Variants in NPDC1 observed in about 807,000 individuals in gnomAD.
The protein encoded by NPDC1 is neural proliferation differentiation and control protein 1.
In NPDC1, 18 loss-of-function variants were observed where a neutral mutation model predicts 32.5. That is an observed-to-expected ratio of 0.55 (90% confidence interval 0.38 to 0.82). The LOEUF (loss-of-function observed/expected upper bound fraction) is 0.82, where lower values mean the gene tolerates loss of function less well. Among genes scored for constraint, NPDC1 ranks in the 40% least tolerant of loss-of-function variants. The probability of loss-of-function intolerance (pLI) is 0.00; values close to 1 mark genes in which losing one functional copy is unlikely to be tolerated. For synonymous variants in NPDC1, 210 were observed against 184.7 expected (o/e 1.14, Z -1.11); for missense variants, 468 against 406.6 (o/e 1.15, Z -1.30).
At position 137,040,072 on chromosome 9, in the gene NPDC1, G is replaced by GT; in HGVS notation, c.789-6dup. On this transcript the variant is annotated splice_polypyrimidine_tract_variant and splice_region_variant and intron_variant, in intron 7 of 8. Coordinates refer to ENST00000371601, the MANE Select transcript of NPDC1 (RefSeq NM_015392.4). ...TCCTTGGGTGGCTCTTTATGCCTGGGTGGGGGGGGATCGCTGGGTCCTCCC... is the reference window on the plus strand; with the variant it reads ...TCCTTGGGTGGCTCTTTATGCCTGGGTTGGGGGGGGATCGCTGGGTCCTCCC... The GT allele has an allele frequency of 5.1e-6, 4 of 777,060 alleles. 1 individual carries two copies. In the South Asian group the frequency reaches 5.4e-5, roughly 10 times the overall value. 48.1% of individuals were successfully genotyped at this position (777,060 alleles called of 1,614,324 possible). A position where few individuals can be genotyped will look rare whatever the true frequency, so the allele number is the denominator to read the frequency against.
chr9:137,045,466 G>A (rs2131504595), intron 1 of NPDC1, among the ~76,000 whole-genome samples: 1 of 152,316 alleles, frequency 6.6e-6, no homozygotes, highest in Non-Finnish European at 1.5e-5. Context: ...CACCGGCAGC[G>A]AAGCCGGCGG....
Position 137,039,621 on chromosome 9 carries a change from T to A in NPDC1, c.*151A>T. 1 of 587,674 alleles carries A rather than the reference T, an allele frequency of 1.7e-6. No homozygotes were observed. The highest frequency in any genetic ancestry group is 3.0e-6 in the Non-Finnish European group (1 of 330,426). The allele number at this position is 587,674 out of a possible 1,614,324, so 36.4% of individuals were successfully genotyped here. ...GTGTCCTGGCACAAAGGTTCGGGGG[T>A]CTCCCTGGCAAGGGGTCCCAGGGCC... is the stretch of plus-strand genomic sequence containing the variant. On this transcript the variant is annotated 3_prime_UTR_variant, in exon 9 of 9. Coordinates refer to ENST00000371601, the MANE Select transcript of NPDC1 (RefSeq NM_015392.4).
rs200425348 is a variant in NPDC1, at chr9:137,040,558, C to T, written c.664G>A (p.Ala222Thr). ...GGTGAGCCAGGGGCCTTCGCAGTGG[C>T]GTAGTCGGCCTTCTGAGTCAGGCGG... ...EIRLTQKADYATAKAPGSPAA... is the reference protein window; with the variant it reads ...EIRLTQKADYTTAKAPGSPAA... The change falls in exon 6 of 9, where the codon GCC (alanine) becomes ACC (threonine). Residue 222 changes from alanine to threonine, a missense_variant. Ala to Thr is a moderately conservative substitution (Grantham distance 58). Coordinates refer to ENST00000371601, the MANE Select transcript of NPDC1 (RefSeq NM_015392.4). The T allele has an allele frequency of 9.8e-5, 155 of 1,584,794 alleles. No individual in the cohort carries two copies. The highest frequency in any genetic ancestry group is 7.1e-4 in the East Asian group (31 of 43,650).
intron 1 of NPDC1, among the ~76,000 whole-genome samples, chr9:137,045,550 G>A (rs1318298182): frequency 1.3e-5 from 2 of 152,222 alleles, no homozygotes; most frequent in African/African-American, 4.8e-5. Flanking sequence ...GCAGACTCCC[G>A]GCGGGCCCGC....
intron 1 of NPDC1, chr9:137,043,491 G>A (rs1299730381): frequency 9.8e-6 from 6 of 612,692 alleles, no homozygotes; most frequent in Non-Finnish European, 1.8e-5. Flanking sequence ...TGTCTCTGGG[G>A]AGCAGCAAAC....
intron 8 of NPDC1, 38 bp from the exon 9 acceptor site, chr9:137,039,902 T>C (rs756399331): frequency 1.3e-6 from 1 of 778,718 alleles, no homozygotes; most frequent in Non-Finnish European, 2.4e-6. Context: ...GTGGGTGGGC[T>C]GGGGGGATAC....
In NPDC1 at chr9:137,039,612, G is replaced by T; in HGVS notation, c.*160C>A. 5 of 591,506 alleles carry T rather than the reference G, an allele frequency of 8.5e-6. No homozygotes were observed. In the Admixed American group the frequency reaches 9.3e-5, roughly 11 times the overall value. 36.6% of individuals were successfully genotyped at this position (591,506 alleles called of 1,614,324 possible). ...GACCAGGAGGTGTCCTGGCACAAAGGTTCGGGGGTCTCCCTGGCAAGGGGT... is the reference window on the plus strand; with the variant it reads ...GACCAGGAGGTGTCCTGGCACAAAGTTTCGGGGGTCTCCCTGGCAAGGGGT... On this transcript the variant is annotated 3_prime_UTR_variant, in exon 9 of 9. Transcript: ENST00000371601.
rs1290757566 is a variant in NPDC1 at position 137,040,609 on chromosome 9, T to C, written c.624-11A>G. 6.4e-7 allele frequency: 1 copy of C among 1,565,638 alleles called. No homozygotes were observed. Among genetic ancestry groups the C allele is most frequent in the East Asian group, 2.3e-5 (1 of 42,708 alleles). On this transcript the variant is annotated splice_polypyrimidine_tract_variant and intron_variant, in intron 5 of 8. Transcript: ENST00000371601. ...ATCTCACGCTGCAGCCTGTGGGGAG[T>C]GGGGCCTGAGACCTCTGAGCGTGTG...
In NPDC1 at chr9:137,039,991, C is replaced by T. The variant is rs1206191755; in HGVS notation, c.865G>A (p.Glu289Lys). 6.4e-6 allele frequency: 5 copies of T among 778,956 alleles called. No homozygotes were observed. Among genetic ancestry groups the T allele is most frequent in the African/African-American group, 1.7e-5 (1 of 59,030 alleles). The allele number at this position is 778,956 out of a possible 1,614,324, so 48.3% of individuals were successfully genotyped here. Residue 289 changes from glutamate (E) to lysine (K), a missense_variant, in exon 8 of 9, where the codon GAG becomes AAG. Glu to Lys is a moderately conservative substitution (Grantham distance 56). Transcript: ENST00000371601. ...CTCACCGGGGCCAGGCCCGGGCACT[C>T]GTACACCGTGAAGTCTCCGTCCTCA... Reference protein sequence around the residue: ...ENEDGDFTVYECPGLAPTGEM... With the variant: ...ENEDGDFTVYKCPGLAPTGEM...
chr9:137,039,577 A>G lies in NPDC1; in HGVS notation c.*195T>C. The G allele has an allele frequency of 1.8e-6, 1 of 566,130 alleles. No individual in the cohort carries two copies. Among genetic ancestry groups the G allele is most frequent in the Admixed American group, 3.4e-5 (1 of 29,474 alleles). 35.1% of individuals were successfully genotyped at this position (566,130 alleles called of 1,614,324 possible). A position where few individuals can be genotyped will look rare whatever the true frequency, so the allele number is the denominator to read the frequency against. On this transcript the variant is annotated 3_prime_UTR_variant, in exon 9 of 9. Coordinates refer to ENST00000371601, the MANE Select transcript of NPDC1 (RefSeq NM_015392.4). The stretch of plus-strand genomic sequence containing the variant: ...TTTGGGGGTCTAAACCGAACAGGAG[A>G]GGTGCAGGGGACCAGGAGGTGTCCT...
At chr9:137,040,788 C>T (rs1832036254) in intron 4 of NPDC1, 26 bp downstream of exon 4, 2 of 1,585,070 alleles carry the variant, frequency 1.3e-6, no homozygotes, top group Non-Finnish European at 8.5e-7. Flanking sequence ...CCCTGCTGCC[C>T]CTGCCCACCC....
intron 2 of NPDC1, among the ~76,000 whole-genome samples, chr9:137,041,870 G>A (rs1000379835): frequency 3.9e-5 from 6 of 152,234 alleles, no homozygotes; most frequent in Non-Finnish European, 5.9e-5. Flanking sequence ...TCAGGCTGGC[G>A]AGCGGGGCAT....
intron 1 of NPDC1, among the ~76,000 whole-genome samples, chr9:137,045,545 C>T (rs1832117799): frequency 6.6e-6 from 1 of 152,216 alleles, no homozygotes; most frequent in Non-Finnish European, 1.5e-5. Flanking sequence ...CACAGGCAGA[C>T]TCCCGGCGGG....
chr9:137,041,584 G>A (rs968932078), intron 2 of NPDC1, among the ~76,000 whole-genome samples: 2 of 152,172 alleles, frequency 1.3e-5, no homozygotes, highest in African/African-American at 2.4e-5. Context: ...CCAAGCACCC[G>A]GGACCCCTCC....
Position 137,039,692 on chromosome 9 carries a change from T to G in NPDC1, c.*80A>C. ...AAAGCACACAGCATCAAAACATGTT[T>G]TTAGTGGGAAGCTCCAGGCCCTGCC... is the stretch of plus-strand genomic sequence containing the variant. On this transcript the variant is annotated 3_prime_UTR_variant, in exon 9 of 9. Transcript: ENST00000371601. 1.6e-6 allele frequency: 1 copy of G among 639,954 alleles called. No individual in the cohort carries two copies. The allele number at this position is 639,954 out of a possible 1,614,324, so 39.6% of individuals were successfully genotyped here.
At chr9:137,041,323 A>C in intron 2 of NPDC1, 136 bp from the exon 3 acceptor site, 1 of 1,019,238 alleles carries the variant, frequency 9.8e-7, no homozygotes, top group Non-Finnish European at 1.3e-6. Context: ...TCCCTCCCAG[A>C]TTGCCATGGT....
chr9:137,039,595 G>T lies in NPDC1; in HGVS notation c.*177C>A, dbSNP rs1447501114. 3 of 583,700 alleles carry T rather than the reference G, an allele frequency of 5.1e-6. No individual in the cohort carries two copies. Among genetic ancestry groups the T allele is most frequent in the Non-Finnish European group, 9.1e-6 (3 of 329,304 alleles). The allele number at this position is 583,700 out of a possible 1,614,324, so 36.2% of individuals were successfully genotyped here. A position where few individuals can be genotyped will look rare whatever the true frequency, so the allele number is the denominator to read the frequency against. ...ACAGGAGAGGTGCAGGGGACCAGGAGGTGTCCTGGCACAAAGGTTCGGGGG... is the reference window on the plus strand; with the variant it reads ...ACAGGAGAGGTGCAGGGGACCAGGATGTGTCCTGGCACAAAGGTTCGGGGG... On this transcript the variant is annotated 3_prime_UTR_variant, in exon 9 of 9. Transcript: ENST00000371601.
intron 5 of NPDC1, 27 bp downstream of exon 5, chr9:137,040,644 C>A: frequency 4.5e-6 from 7 of 1,563,800 alleles, no homozygotes; most frequent in Non-Finnish European, 5.2e-6. Flanking sequence ...GGCACCCTCC[C>A]TGCCCTGCCC....
intron 1 of NPDC1, 171 bp from the exon 2 acceptor site, chr9:137,043,244 C>G (rs941044418): frequency 1.3e-6 from 1 of 781,910 alleles, no homozygotes; most frequent in East Asian, 2.7e-5. Flanking sequence ...GCTCAGAACC[C>G]GGAAGCGAAC....
Sources: gnomAD v4.1 joint callset for allele counts (sites outside exome capture counted in the v4.1 genomes callset) on GRCh38, gnomAD v4.1.1 for gene constraint, MANE v1.5 for transcripts, NCBI Gene and HGNC (gene_info 2026-07-23, HGNC 2026-07-21) for gene names.